Variants in HIVEP2 observed in about 807,000 individuals in gnomAD.
The protein encoded by HIVEP2 is transcription factor HIVEP2.
A neutral mutation model predicts 180.7 loss-of-function variants in HIVEP2; 14 were observed. The observed-to-expected ratio is 0.08, with a 90% CI of 0.05 to 0.12. The LOEUF (loss-of-function observed/expected upper bound fraction) is 0.12. Among genes scored for constraint, HIVEP2 ranks in the 10% least tolerant of loss-of-function variants. The pLI, the probability that HIVEP2 is intolerant of heterozygous loss-of-function variation, is 1.00. For synonymous variants in HIVEP2, 1,184 were observed against 1,136.4 expected (o/e 1.04, Z -0.84); for missense variants, 2,579 against 3,008.5 (o/e 0.86, Z 3.34).
At chr6:142,787,664 C>A (rs939224712) in intron 2 of HIVEP2, among the ~76,000 whole-genome samples, 5 of 151,674 alleles carry the variant, frequency 3.3e-5, no homozygotes, top group Admixed American at 3.3e-4. Context: ...CTAGAGAAGG[C>A]AGGTACAGGA....
At chr6:142,793,594 T>TC (rs200784689) in intron 2 of HIVEP2, among the ~76,000 whole-genome samples, 1 of 150,674 alleles carries the variant, frequency 6.6e-6, no homozygotes, top group Non-Finnish European at 1.5e-5. Flanking sequence ...TCTTTCTACC[T>TC]CCCCCCTCCC....
intron 1 of HIVEP2, among the ~76,000 whole-genome samples, chr6:142,939,550 C>CTCCCTTCT (rs770501665): frequency 1.3e-5 from 2 of 152,186 alleles, no homozygotes; most frequent in African/African-American, 2.4e-5. Context: ...GAGCTCCTGA[C>CTCCCTTCT]TCCCTTCTTT....
chr6:142,917,749 A>C (rs1777592603), intron 1 of HIVEP2, among the ~76,000 whole-genome samples: 3 of 152,180 alleles, frequency 2.0e-5, no homozygotes, highest in Admixed American at 2.0e-4. Context: ...GTAGCTTCAC[A>C]CACCTTCTCA....
Position 142,854,281 on chromosome 6 carries a change from G to A in HIVEP2, c.-640-17234C>T, listed in dbSNP as rs79906462. Among the ~76,000 whole-genome samples, 1,144 of 152,224 alleles carry A rather than the reference G, an allele frequency of 7.5e-3. 9 individuals carry two copies. Among genetic ancestry groups the A allele is most frequent in the African/African-American group, 0.026 (1,063 of 41,506 alleles). On this transcript the variant is annotated intron_variant, in intron 1 of 9. Coordinates refer to ENST00000367603, the MANE Select transcript of HIVEP2 (RefSeq NM_006734.4). Reference sequence around the variant, plus strand: ...TGTACCCTGGTGGGTAGAGGCCAGGGATGCTGGTAAGTATTCTACAATGCA... The same window carrying A: ...TGTACCCTGGTGGGTAGAGGCCAGGAATGCTGGTAAGTATTCTACAATGCA...
chr6:142,813,908 C>T (rs1286050406), intron 2 of HIVEP2, among the ~76,000 whole-genome samples: 1 of 151,902 alleles, frequency 6.6e-6, no homozygotes, highest in East Asian at 1.9e-4. Context: ...TACAATCTTT[C>T]CTCTATCATT....
intron 2 of HIVEP2, among the ~76,000 whole-genome samples, chr6:142,830,134 G>A (rs1775037770): frequency 6.6e-6 from 1 of 152,102 alleles, no homozygotes; most frequent in South Asian, 2.1e-4. Context: ...AAGGTTTTCT[G>A]TTGTTAGAAA....
Position 142,760,236 on chromosome 6 carries a change from T to A in HIVEP2, c.6052A>T (p.Ile2018Leu). Residue 2018 changes from isoleucine (I) to leucine (L), a missense_variant, in exon 9 of 10, where the codon ATA becomes TTA. Physicochemically the swap from Ile to Leu is conservative, Grantham distance 5. This residue lies in a region of HIVEP2 where 660 missense variants were observed against 731.7 expected (regional missense o/e 0.90). Coordinates refer to ENST00000367603, the MANE Select transcript of HIVEP2 (RefSeq NM_006734.4). ...CACTCCTCATCCATACAACTAGGTA[T>A]GTCCAATCTGTCTTTGTCTGGTTCT... ...DSEPDKDRLD[I>L]PSCMDEECML... 6.2e-7 allele frequency: 1 copy of A among 1,614,200 alleles called. No homozygotes were observed. Among genetic ancestry groups the A allele is most frequent in the Non-Finnish European group, 8.5e-7 (1 of 1,180,038 alleles).
chr6:142,862,659 A>G (rs1776022378), intron 1 of HIVEP2, among the ~76,000 whole-genome samples: 1 of 143,432 alleles, frequency 7.0e-6, no homozygotes, highest in Admixed American at 7.1e-5. Context: ...TATTGCATAT[A>G]TTATATATTG....
At chr6:142,767,979 C>G (rs764972463) in intron 6 of HIVEP2, among the ~76,000 whole-genome samples, 27 of 152,268 alleles carry the variant, frequency 1.8e-4, no homozygotes, top group Admixed American at 3.3e-4. Context: ...TTAACTAGTT[C>G]TGAAGATTAT....
chr6:142,766,497 A>T (rs1002477806), intron 6 of HIVEP2, among the ~76,000 whole-genome samples: 1 of 152,240 alleles, frequency 6.6e-6, no homozygotes, highest in Non-Finnish European at 1.5e-5. Context: ...TAAGACATAT[A>T]GACTAAAACA....
At chr6:142,845,447 G>C (rs896321563) in intron 1 of HIVEP2, among the ~76,000 whole-genome samples, 7 of 151,954 alleles carry the variant, frequency 4.6e-5, no homozygotes, top group African/African-American at 1.5e-4. Context: ...GTATATATAC[G>C]TATGTCTTTT....
At chr6:142,795,539 T>G (rs1386824057) in intron 2 of HIVEP2, among the ~76,000 whole-genome samples, 1 of 152,188 alleles carries the variant, frequency 6.6e-6, no homozygotes, top group Non-Finnish European at 1.5e-5. Context: ...CTGAGGGCCT[T>G]AGATAAGGTG....
chr6:142,920,808 C>T (rs1777665909), intron 1 of HIVEP2, among the ~76,000 whole-genome samples: 1 of 152,060 alleles, frequency 6.6e-6, no homozygotes, highest in Non-Finnish European at 1.5e-5. Context: ...ATAGGGAGAA[C>T]CCATTTCTAC....
At chr6:142,809,417 A>G (rs115726557) in intron 2 of HIVEP2, among the ~76,000 whole-genome samples, 7 of 152,196 alleles carry the variant, frequency 4.6e-5, no homozygotes, top group African/African-American at 1.7e-4. Flanking sequence ...GTGTGCTCCT[A>G]TGTAACTACT....
intron 2 of HIVEP2, among the ~76,000 whole-genome samples, chr6:142,822,930 A>G (rs1777078910): frequency 6.6e-6 from 1 of 152,202 alleles, no homozygotes; most frequent in South Asian, 2.1e-4. Flanking sequence ...ATTAACACCA[A>G]TTAACCACAG....
chr6:142,933,546 A>C (rs1441850333), intron 1 of HIVEP2, among the ~76,000 whole-genome samples: 3 of 152,222 alleles, frequency 2.0e-5, no homozygotes, highest in Non-Finnish European at 2.9e-5. Context: ...ATATCTTCAC[A>C]ATATAAATTA....
At chr6:142,868,437 T>C (rs1776201587) in intron 1 of HIVEP2, among the ~76,000 whole-genome samples, 1 of 152,212 alleles carries the variant, frequency 6.6e-6, no homozygotes, top group Non-Finnish European at 1.5e-5. Context: ...ATCCCTATAA[T>C]AATTAATAAC....
intron 2 of HIVEP2, among the ~76,000 whole-genome samples, chr6:142,826,881 C>T (rs1774918098): frequency 6.6e-6 from 1 of 152,166 alleles, no homozygotes; most frequent in Non-Finnish European, 1.5e-5. Flanking sequence ...AAAATTTTGC[C>T]TGTTTTCTCT....
At chr6:142,861,064 A>C (rs754832085) in intron 1 of HIVEP2, among the ~76,000 whole-genome samples, 2 of 152,228 alleles carry the variant, frequency 1.3e-5, no homozygotes, top group Non-Finnish European at 2.9e-5. Context: ...ACATGCATAC[A>C]TCAGATAGCA....
Sources: gnomAD v4.1 joint callset for allele counts (sites outside exome capture counted in the v4.1 genomes callset) on GRCh38, gnomAD v4.1.1 for gene constraint, gnomAD v4.1.1 regional missense constraint, MANE v1.5 for transcripts, NCBI Gene and HGNC (gene_info 2026-07-23, HGNC 2026-07-21) for gene names.